PDE4B: variants seen among roughly 807,000 people sequenced by gnomAD.
PDE4B encodes the protein 3',5'-cyclic-AMP phosphodiesterase 4B.
A neutral mutation model predicts 82.2 loss-of-function variants in PDE4B; 20 were observed. The ratio of observed to expected loss-of-function variants is 0.24; its 90% CI spans 0.17 to 0.35. The LOEUF is 0.35. Among genes scored for constraint, PDE4B ranks in the 10% least tolerant of loss-of-function variants. The probability of loss-of-function intolerance (pLI) is 1.00; values close to 1 mark genes in which losing one functional copy is unlikely to be tolerated. For synonymous variants in PDE4B, 320 were observed against 318.9 expected (o/e 1.00, Z -0.04); for missense variants, 655 against 907.2 (o/e 0.72, Z 3.57).
chr1:66,332,682 C>A (rs1291053830), intron 8 of PDE4B, 62 bp downstream of exon 8: 16 of 1,368,642 alleles, frequency 1.2e-5, no homozygotes, highest in Non-Finnish European at 1.5e-5. Flanking sequence ...GCTCCCCTCA[C>A]CCCTGTCTGC....
At chr1:66,365,387 A>C (rs942232149) in intron 12 of PDE4B, among the ~76,000 whole-genome samples, 5 of 152,190 alleles carry the variant, frequency 3.3e-5, no homozygotes, top group Admixed American at 2.6e-4. Context: ...AGAAACAAAC[A>C]TTAGACGTTT....
chr1:66,210,772 A>T (rs1274040220), intron 3 of PDE4B, among the ~76,000 whole-genome samples: 4 of 151,414 alleles, frequency 2.6e-5, no homozygotes, highest in Non-Finnish European at 5.9e-5. Flanking sequence ...CCACAGCCAA[A>T]GTCATATAAA....
chr1:65,937,588 C>CA (rs1648223221), intron 3 of PDE4B, among the ~76,000 whole-genome samples: 1 of 152,178 alleles, frequency 6.6e-6, no homozygotes, highest in South Asian at 2.1e-4. Context: ...CATCAGGCTT[C>CA]ACCACCCACT....
chr1:66,049,947 G>GA (rs1171099976), intron 3 of PDE4B, among the ~76,000 whole-genome samples: 1 of 152,000 alleles, frequency 6.6e-6, no homozygotes, highest in African/African-American at 2.4e-5. Flanking sequence ...AAAGTAGTGT[G>GA]AAAACTCCAC....
At chr1:66,215,222 T>C (rs1456305778) in intron 3 of PDE4B, among the ~76,000 whole-genome samples, 1 of 152,198 alleles carries the variant, frequency 6.6e-6, no homozygotes, top group Non-Finnish European at 1.5e-5. Context: ...GGGAAGGTTT[T>C]AGCATTAGCC....
chr1:66,359,930 C>T (rs753788296), intron 9 of PDE4B, among the ~76,000 whole-genome samples: 1 of 152,128 alleles, frequency 6.6e-6, no homozygotes, highest in Non-Finnish European at 1.5e-5. Flanking sequence ...AAAGTAATTG[C>T]AAAATAAATA....
At chr1:65,987,859 C>T (rs1651037021) in intron 3 of PDE4B, among the ~76,000 whole-genome samples, 1 of 152,170 alleles carries the variant, frequency 6.6e-6, no homozygotes. Flanking sequence ...GGTGATCCGC[C>T]CGCATTGGCC....
intron 3 of PDE4B, among the ~76,000 whole-genome samples, chr1:66,087,955 A>T (rs1004718223): frequency 4.6e-5 from 7 of 151,714 alleles, no homozygotes; most frequent in African/African-American, 1.7e-4. Context: ...CCAGCATGGC[A>T]CATGTATACA....
At chr1:65,974,902 T>C (rs1650329827) in intron 3 of PDE4B, among the ~76,000 whole-genome samples, 1 of 152,202 alleles carries the variant, frequency 6.6e-6, no homozygotes. Flanking sequence ...TCTCAAGTAG[T>C]TGTTTATAGC....
chr1:66,184,783 T>C lies in PDE4B; in HGVS notation c.282-62677T>C, dbSNP rs114770108. On this transcript the variant is annotated intron_variant, in intron 3 of 16. Coordinates refer to ENST00000341517, the MANE Select transcript of PDE4B (RefSeq NM_002600.4). ...CTGTATTGTTATTATAAGAAAATAG[T>C]AATACCTCAGAGTTTTTCTTTTTTT... is the stretch of plus-strand genomic sequence containing the variant. Among the ~76,000 whole-genome samples the C allele has an allele frequency of 4.7e-3, 707 of 151,866 alleles. 9 individuals carry two copies. The highest frequency in any genetic ancestry group is 0.016 in the African/African-American group (669 of 41,392).
chr1:66,134,854 G>C (rs1177550711), intron 3 of PDE4B, among the ~76,000 whole-genome samples: 2 of 152,044 alleles, frequency 1.3e-5, no homozygotes, highest in Non-Finnish European at 2.9e-5. Flanking sequence ...ATAAAATGTA[G>C]TCACTTCTGT....
intron 1 of PDE4B, among the ~76,000 whole-genome samples, chr1:65,873,494 A>G (rs1646598691): frequency 6.6e-6 from 1 of 152,238 alleles, no homozygotes; most frequent in Non-Finnish European, 1.5e-5. Context: ...ATTGGAGACA[A>G]GAGCCAGTTT....
intron 3 of PDE4B, among the ~76,000 whole-genome samples, chr1:65,972,295 A>T (rs1290441457): frequency 1.3e-5 from 2 of 152,154 alleles, no homozygotes; most frequent in African/African-American, 4.8e-5. Flanking sequence ...TATTCCTTCA[A>T]ATGGCCCACT....
chr1:65,814,639 T>C (rs1020455752), intron 1 of PDE4B, among the ~76,000 whole-genome samples: 9 of 152,220 alleles, frequency 5.9e-5, no homozygotes, highest in African/African-American at 1.9e-4. Context: ...CAAACACTGA[T>C]CTGCTTTCTT....
intron 3 of PDE4B, among the ~76,000 whole-genome samples, chr1:66,168,414 G>T (rs543239282): frequency 6.6e-6 from 1 of 152,176 alleles, no homozygotes; most frequent in Non-Finnish European, 1.5e-5. Context: ...TGATAACGAG[G>T]TGACATTTGA....
intron 8 of PDE4B, among the ~76,000 whole-genome samples, chr1:66,342,891 A>G (rs991020828): frequency 1.3e-5 from 2 of 152,158 alleles, no homozygotes; most frequent in Non-Finnish European, 2.9e-5. Context: ...TAAAAATACA[A>G]AAAATTAGCC....
At chr1:66,294,317 A>G (rs1332490807) in intron 7 of PDE4B, among the ~76,000 whole-genome samples, 2 of 152,218 alleles carry the variant, frequency 1.3e-5, no homozygotes, top group African/African-American at 4.8e-5. Flanking sequence ...ATAAATCATT[A>G]TGGCTTAAGA....
At chr1:65,916,482 T>TA (rs1218908908) in intron 2 of PDE4B, among the ~76,000 whole-genome samples, 1 of 152,140 alleles carries the variant, frequency 6.6e-6, no homozygotes, top group African/African-American at 2.4e-5. Context: ...ACATGATAGA[T>TA]ATCCTTATTT....
intron 3 of PDE4B, among the ~76,000 whole-genome samples, chr1:66,167,521 G>T (rs1334661848): frequency 6.6e-6 from 1 of 152,090 alleles, no homozygotes; most frequent in East Asian, 1.9e-4. Context: ...TTCCTTTTGG[G>T]GTGATGAACA....
Sources: allele counts gnomAD v4.1 joint callset (sites outside exome capture counted in the v4.1 genomes callset), GRCh38; gene constraint gnomAD v4.1.1; transcripts MANE v1.5; gene names NCBI Gene and HGNC (gene_info 2026-07-23, HGNC 2026-07-21).